The following OR52N2 variants were observed in gnomAD, a reference collection of about 807,000 sequenced individuals.
The protein encoded by OR52N2 is olfactory receptor family 52 subfamily N member 2.
For synonymous variants in OR52N2, 129 were observed against 72.0 expected (o/e 1.79, Z -4.01); for missense variants, 326 against 196.6 (o/e 1.66, Z -3.94).
intron 1 of OR52N2, among the ~76,000 whole-genome samples, chr11:5,818,295 G>A (rs558413146): frequency 1.3e-5 from 2 of 152,056 alleles, no homozygotes; most frequent in East Asian, 1.9e-4. Context: ...TTGGGAAAAG[G>A]CATTAAACTT....
chr11:5,817,647 G>A (rs935946592), intron 1 of OR52N2, among the ~76,000 whole-genome samples: 1 of 152,112 alleles, frequency 6.6e-6, no homozygotes, highest in African/African-American at 2.4e-5. Flanking sequence ...TGGGGGCATG[G>A]TTCAGTCGCT....
At chr11:5,815,616 C>A (rs1459368789) in intron 1 of OR52N2, among the ~76,000 whole-genome samples, 1 of 152,100 alleles carries the variant, frequency 6.6e-6, no homozygotes, top group East Asian at 1.9e-4. Flanking sequence ...GACACTTGTG[C>A]CCTTTTGGCA....
chr11:5,809,439 A>C (rs1259652135), intron 1 of OR52N2, among the ~76,000 whole-genome samples: 7 of 152,142 alleles, frequency 4.6e-5, no homozygotes, highest in African/African-American at 1.7e-4. Context: ...GTGGTGAGGC[A>C]TGTGAGATGT....
chr11:5,816,929 ATTAAT>A (rs145765421), intron 1 of OR52N2, among the ~76,000 whole-genome samples: 9,402 of 152,232 alleles, frequency 0.062, 335 homozygotes, highest in African/African-American at 0.09. Context: ...TAATAGCTGC[ATTAAT>A]TTAAATTTTG....
intron 1 of OR52N2, among the ~76,000 whole-genome samples, chr11:5,810,900 T>C (rs1484536872): frequency 6.6e-6 from 1 of 152,062 alleles, no homozygotes. Flanking sequence ...GGGTTTATGG[T>C]AAGAACAAGA....
At chr11:5,813,461 T>C (rs529804741) in intron 1 of OR52N2, among the ~76,000 whole-genome samples, 9 of 152,072 alleles carry the variant, frequency 5.9e-5, no homozygotes, top group Non-Finnish European at 1.0e-4. Flanking sequence ...AACTTACCAA[T>C]ACTAAATCAT....
rs900355573 is a variant in OR52N2, at chr11:5,820,608, C to T, written c.273C>T (p.Leu91=). The T allele has an allele frequency of 2.6e-6, 2 of 782,634 alleles. No homozygotes were observed. Among genetic ancestry groups the T allele is most frequent in the Non-Finnish European group, 4.8e-6 (2 of 419,738 alleles). 48.5% of individuals were successfully genotyped at this position (782,634 alleles called of 1,614,324 possible). A position where few individuals can be genotyped will look rare whatever the true frequency, so the allele number is the denominator to read the frequency against. Residue 91 remains leucine, a synonymous_variant, in exon 2 of 2, where the codon CTC becomes CTT. Coordinates refer to ENST00000317037, the MANE Select transcript of OR52N2 (RefSeq NM_001005174.3). The stretch of plus-strand genomic sequence containing the variant: ...TGCTGTGCATATTCTGGTTCAACCT[C>T]AAGGAGATTGACTTTAACGCCTGCC... ...PNMLCIFWFN[L]KEIDFNACLA... is the part of the protein sequence containing the mutation.
rs78496237 is a variant in OR52N2, at chr11:5,821,018, T to C, written c.683T>C (p.Met228Thr). 5.1e-3 allele frequency: 3,958 copies of C among 781,070 alleles called. 106 individuals are homozygous for C. In the African/African-American group the frequency reaches 0.056, roughly 11 times the overall value. The allele number at this position is 781,070 out of a possible 1,614,324, so 48.4% of individuals were successfully genotyped here. A position where few individuals can be genotyped will look rare whatever the true frequency, so the allele number is the denominator to read the frequency against. ...VSYTMILQAV[M>T]SLSSADARHK... ...TACACTATGATTTTGCAGGCTGTTATGAGCCTGTCATCAGCAGATGCTCGT... is the reference window on the plus strand; with the variant it reads ...TACACTATGATTTTGCAGGCTGTTACGAGCCTGTCATCAGCAGATGCTCGT... The change falls in exon 2 of 2, where the codon ATG becomes ACG. Residue 228 changes from methionine (M) to threonine (T), a missense_variant. By Grantham distance (81) the Met-to-Thr change is moderately conservative. Transcript: ENST00000317037.
Position 5,820,602 on chromosome 11 carries a change from C to A in OR52N2, c.267C>A (p.Phe89Leu). Reference protein sequence around the residue: ...MVPNMLCIFWFNLKEIDFNAC... With the variant: ...MVPNMLCIFWLNLKEIDFNAC... Reference sequence around the variant, plus strand: ...CTAATATGCTGTGCATATTCTGGTTCAACCTCAAGGAGATTGACTTTAACG... The same window carrying A: ...CTAATATGCTGTGCATATTCTGGTTAAACCTCAAGGAGATTGACTTTAACG... Residue 89 changes from phenylalanine (F) to leucine (L), a missense_variant, in exon 2 of 2, where the codon TTC (phenylalanine) becomes TTA (leucine). Transcript: ENST00000317037. The A allele has an allele frequency of 1.3e-6, 1 of 782,420 alleles. No individual in the cohort carries two copies. 48.5% of individuals were successfully genotyped at this position (782,420 alleles called of 1,614,324 possible).
At chr11:5,819,217 A>C (rs1846427322) in intron 1 of OR52N2, among the ~76,000 whole-genome samples, 1 of 152,112 alleles carries the variant, frequency 6.6e-6, no homozygotes, top group African/African-American at 2.4e-5. Context: ...CGAATAAAAA[A>C]AAAATTGAAT....
chr11:5,820,628 C>T lies in OR52N2; in HGVS notation c.293C>T (p.Ala98Val), dbSNP rs776017365. ...WFNLKEIDFN[A>V]CLAQMFFVHM... ...AACCTCAAGGAGATTGACTTTAACG[C>T]CTGCCTGGCCCAGATGTTTTTTGTC... The change falls in exon 2 of 2, where the codon GCC becomes GTC. Residue 98 changes from alanine to valine, a missense_variant. By Grantham distance (64) the Ala-to-Val change is moderately conservative (BLOSUM62 0). Transcript: ENST00000317037. 3.8e-6 allele frequency: 3 copies of T among 784,286 alleles called. No homozygotes were observed. The highest frequency in any genetic ancestry group is 3.4e-5 in the African/African-American group (2 of 59,116). The allele number at this position is 784,286 out of a possible 1,614,324, so 48.6% of individuals were successfully genotyped here.
chr11:5,811,462 A>T (rs1160233273), intron 1 of OR52N2, among the ~76,000 whole-genome samples: 1 of 152,208 alleles, frequency 6.6e-6, no homozygotes, highest in Non-Finnish European at 1.5e-5. Flanking sequence ...AGAAGTATGG[A>T]ACTTCTTTAT....
In OR52N2 at chr11:5,821,115, T is replaced by C. The variant is rs745386209; in HGVS notation, c.780T>C (p.Thr260=). Residue 260 remains threonine (T), a synonymous_variant, in exon 2 of 2, where the codon ACT becomes ACC. Coordinates refer to ENST00000317037, the MANE Select transcript of OR52N2 (RefSeq NM_001005174.3). ...IVITYVAAFF[T]FFTHRFVGHN... ...TCACCTATGTTGCTGCTTTTTTCACTTTTTTCACTCATCGTTTTGTAGGAC... is the reference window on the plus strand; with the variant it reads ...TCACCTATGTTGCTGCTTTTTTCACCTTTTTCACTCATCGTTTTGTAGGAC... The C allele has an allele frequency of 1.3e-6, 1 of 780,980 alleles. No homozygotes were observed. The highest frequency in any genetic ancestry group is 2.4e-6 in the Non-Finnish European group (1 of 418,094). 48.4% of individuals were successfully genotyped at this position (780,980 alleles called of 1,614,324 possible). A position where few individuals can be genotyped will look rare whatever the true frequency, so the allele number is the denominator to read the frequency against.
In OR52N2 at chr11:5,820,654, C is replaced by A; in HGVS notation, c.319C>A (p.His107Asn). ...CTGCCTGGCCCAGATGTTTTTTGTC[C>A]ATATGCTGACAGGGATGGAGTCTGG... ...NACLAQMFFV[H>N]MLTGMESGVL... Residue 107 changes from histidine (H) to asparagine (N), a missense_variant, in exon 2 of 2, where the codon CAT (histidine) becomes AAT (asparagine). His to Asn is a moderately conservative substitution (Grantham distance 68, BLOSUM62 1). Transcript: ENST00000317037. The A allele has an allele frequency of 1.3e-6, 1 of 788,202 alleles. No homozygotes were observed. Among genetic ancestry groups the A allele is most frequent in the Admixed American group, 1.7e-5 (1 of 59,032 alleles). 48.8% of individuals were successfully genotyped at this position (788,202 alleles called of 1,614,324 possible).
In OR52N2 at chr11:5,821,445, G is replaced by A; in HGVS notation, c.*144G>A. 1.5e-5 allele frequency: 8 copies of A among 551,410 alleles called. No individual in the cohort carries two copies. The highest frequency in any genetic ancestry group is 6.0e-5 in the East Asian group (2 of 33,502). 34.2% of individuals were successfully genotyped at this position (551,410 alleles called of 1,614,324 possible). ...TGCACGTGTACCTAAAATAAAAATA[G>A]AAATAAAAAATCAAAATAAAGACAT... On this transcript the variant is annotated 3_prime_UTR_variant, in exon 2 of 2. Transcript: ENST00000317037.
rs1000753862 is a variant in OR52N2 at position 5,821,457 on chromosome 11, C to T, written c.*156C>T. ...TAAAATAAAAATAGAAATAAAAAAT[C>T]AAAATAAAGACATAAATTTGTAAGT... On this transcript the variant is annotated 3_prime_UTR_variant, in exon 2 of 2. Coordinates refer to ENST00000317037, the MANE Select transcript of OR52N2 (RefSeq NM_001005174.3). 1 of 569,610 alleles carries T rather than the reference C, an allele frequency of 1.8e-6. No individual in the cohort carries two copies. The highest frequency in any genetic ancestry group is 3.1e-6 in the Non-Finnish European group (1 of 323,144). The allele number at this position is 569,610 out of a possible 1,614,324, so 35.3% of individuals were successfully genotyped here. A position where few individuals can be genotyped will look rare whatever the true frequency, so the allele number is the denominator to read the frequency against.
At chr11:5,818,479 A>G (rs1037878079) in intron 1 of OR52N2, among the ~76,000 whole-genome samples, 2 of 152,098 alleles carry the variant, frequency 1.3e-5, no homozygotes, top group African/African-American at 4.8e-5. Context: ...GTCATCCTAG[A>G]TTTCAAACAA....
intron 1 of OR52N2, 91 bp from the exon 2 acceptor site, chr11:5,820,191 A>G (rs1564973799): frequency 1.5e-6 from 1 of 662,398 alleles, no homozygotes; most frequent in Non-Finnish European, 2.7e-6. Context: ...CTGGTTATCA[A>G]TGTAAGGTGA....
intron 1 of OR52N2, among the ~76,000 whole-genome samples, chr11:5,812,310 C>T (rs111975807): frequency 0.039 from 5,734 of 147,594 alleles, 470 homozygotes; most frequent in African/African-American, 0.13. Flanking sequence ...CTGGCTAACA[C>T]GGTGAAACCC....
Sources: gnomAD v4.1 joint callset for allele counts (sites outside exome capture counted in the v4.1 genomes callset) on GRCh38, gnomAD v4.1.1 for gene constraint, MANE v1.5 for transcripts, NCBI Gene and HGNC (gene_info 2026-07-23, HGNC 2026-07-21) for gene names.